G2E3: variants seen among roughly 807,000 people sequenced by gnomAD.
G2E3 encodes G2/M-phase specific E3 ubiquitin protein ligase.
Under a neutral mutation model 92.8 loss-of-function variants are expected in G2E3, and 35 were observed. That is an observed-to-expected ratio of 0.38 (90% CI 0.29 to 0.50). The LOEUF is 0.50. G2E3 is among the 20% of genes least tolerant of loss of function. The pLI is 0.94. For missense variants in G2E3, 554 were observed against 823.8 expected, an observed-to-expected ratio of 0.67 and a Z score of 4.01; for synonymous variants, 242 against 272.4, an observed-to-expected ratio of 0.89 and a Z score of 1.10.
At chr14:30,597,847 GA>G (rs1295305766) in intron 7 of G2E3, among the ~76,000 whole-genome samples, 4 of 152,204 alleles carry the variant, frequency 2.6e-5, no homozygotes, top group East Asian at 1.9e-4. Flanking sequence ...AAATATGTAA[GA>G]ATTTTTTTAA....
chr14:30,599,390 G>A (rs997282597), intron 8 of G2E3, among the ~76,000 whole-genome samples: 1 of 152,080 alleles, frequency 6.6e-6, no homozygotes, highest in African/African-American at 2.4e-5. Flanking sequence ...ACCATGCCTG[G>A]CTAATTTTTG....
At chr14:30,560,085 G>GT (rs11389797) in intron 1 of G2E3, 74,363 of 150,248 alleles carry the variant, frequency 0.49, 21,383 homozygotes, top group African/African-American at 0.79. Flanking sequence ...TTGAGCATCT[G>GT]TTTCTTTGGG....
rs774294614 is a variant in G2E3 at position 30,592,397 on chromosome 14, C to T, written c.312C>T (p.Phe104=). 7.5e-6 allele frequency: 12 copies of T among 1,602,736 alleles called. No individual in the cohort carries two copies. Among genetic ancestry groups the T allele is most frequent in the Admixed American group, 5.2e-5 (3 of 57,562 alleles). The part of the protein sequence containing the change: ...VAPRCKRSYH[F]PCGLQRECIF... ...CCCGATGTAAACGAAGTTATCATTTCCCATGTGGACTTCAGAGAGAATGTA... is the reference window on the plus strand; with the variant it reads ...CCCGATGTAAACGAAGTTATCATTTTCCATGTGGACTTCAGAGAGAATGTA... The change falls in exon 5 of 15, where the codon TTC becomes TTT. Residue 104 remains phenylalanine, a synonymous_variant. Transcript: ENST00000206595.
intron 1 of G2E3, among the ~76,000 whole-genome samples, chr14:30,572,263 G>A (rs987063751): frequency 6.6e-6 from 1 of 151,826 alleles, no homozygotes; most frequent in African/African-American, 2.4e-5. Flanking sequence ...ATGATCATAT[G>A]TGAAAACAGT....
At chr14:30,602,519 T>C (rs978769722) in intron 10 of G2E3, among the ~76,000 whole-genome samples, 7 of 152,198 alleles carry the variant, frequency 4.6e-5, no homozygotes, top group Non-Finnish European at 7.3e-5. Flanking sequence ...AAATGTTATT[T>C]GATTATAGAG....
At chr14:30,593,380 C>T (rs1881114296) in intron 5 of G2E3, 94 bp from the exon 6 acceptor site, 2 of 629,364 alleles carry the variant, frequency 3.2e-6, no homozygotes, top group South Asian at 4.5e-5. Context: ...GAGACAGACA[C>T]AAATGAATTT....
intron 1 of G2E3, among the ~76,000 whole-genome samples, chr14:30,575,912 A>C (rs1880057653): frequency 6.6e-6 from 1 of 152,254 alleles, no homozygotes; most frequent in African/African-American, 2.4e-5. Flanking sequence ...ATGTATAGGA[A>C]GAATCAATAT....
At chr14:30,610,667 A>G (rs901994573) in intron 12 of G2E3, among the ~76,000 whole-genome samples, 2 of 152,236 alleles carry the variant, frequency 1.3e-5, no homozygotes, top group African/African-American at 4.8e-5. Context: ...GGAGATGGAT[A>G]AGGGTTGGAG....
intron 4 of G2E3, among the ~76,000 whole-genome samples, chr14:30,591,258 ACT>A (rs1230569270): frequency 3.3e-5 from 5 of 152,104 alleles, no homozygotes; most frequent in Middle Eastern, 6.8e-3. Flanking sequence ...GTCAGCAGTA[ACT>A]CTGTAATCCC....
At chr14:30,579,797 A>G (rs1880325996) in intron 1 of G2E3, among the ~76,000 whole-genome samples, 3 of 152,216 alleles carry the variant, frequency 2.0e-5, no homozygotes. Flanking sequence ...TTTTGCAACT[A>G]TAAATGAGAT....
At chr14:30,605,869 T>A in intron 11 of G2E3, 57 bp downstream of exon 11, 2 of 875,654 alleles carry the variant, frequency 2.3e-6, no homozygotes, top group Middle Eastern at 5.6e-4. Context: ...GAAAAAGAGA[T>A]AGATAGCTGG....
In G2E3 at chr14:30,601,982, G is replaced by A. The variant is rs1566546503; in HGVS notation, c.878-17G>A. 6.2e-7 allele frequency: 1 copy of A among 1,607,436 alleles called. No individual in the cohort carries two copies. The highest frequency in any genetic ancestry group is 8.5e-7 in the Non-Finnish European group (1 of 1,176,790). ...CCTATATCTCTATTATGCTAACATGGAAATTTAAATCTGTAGGAGAGTTCC... is the reference window on the plus strand; with the variant it reads ...CCTATATCTCTATTATGCTAACATGAAAATTTAAATCTGTAGGAGAGTTCC... On this transcript the variant is annotated splice_polypyrimidine_tract_variant and intron_variant, in intron 9 of 14. Transcript: ENST00000206595.
chr14:30,581,180 T>C (rs1880410886), intron 2 of G2E3, 64 bp downstream of exon 2: 2 of 887,200 alleles, frequency 2.3e-6, no homozygotes, highest in Admixed American at 1.8e-5. Flanking sequence ...ACTTAAACAT[T>C]AGGACTGAAG....
chr14:30,613,921 C>T (rs971248971), intron 13 of G2E3, among the ~76,000 whole-genome samples: 1 of 152,050 alleles, frequency 6.6e-6, no homozygotes, highest in Admixed American at 6.5e-5. Context: ...ACAATACTAA[C>T]ATTATCAAAT....
chr14:30,604,758 G>A (rs1271187778), intron 10 of G2E3, among the ~76,000 whole-genome samples: 2 of 152,104 alleles, frequency 1.3e-5, no homozygotes, highest in Admixed American at 6.5e-5. Context: ...TTCTTATATA[G>A]TAAGGAGAGA....
intron 1 of G2E3, chr14:30,559,554 C>T (rs916939639): frequency 2.0e-5 from 3 of 152,158 alleles, no homozygotes; most frequent in Non-Finnish European, 2.9e-5. Context: ...TTATACGCAT[C>T]CTCCGTGGCT....
intron 1 of G2E3, 176 bp from the exon 2 acceptor site, chr14:30,580,900 G>A (rs1880395138): frequency 5.5e-6 from 3 of 544,004 alleles, no homozygotes; most frequent in South Asian, 4.3e-5. Flanking sequence ...AAATGTTCCC[G>A]ACTCTTAACA....
At chr14:30,614,934 G>T (rs1420051015) in intron 13 of G2E3, among the ~76,000 whole-genome samples, 1 of 151,966 alleles carries the variant, frequency 6.6e-6, no homozygotes, top group African/African-American at 2.4e-5. Flanking sequence ...CAATACATGG[G>T]TTTTAAATTT....
intron 1 of G2E3, among the ~76,000 whole-genome samples, chr14:30,577,223 C>CAAAAAAAAAAAAAAAAAAAAAAAAAAA (rs59757142): frequency 1.2e-5 from 1 of 80,776 alleles, no homozygotes; most frequent in Non-Finnish European, 2.6e-5. Flanking sequence ...GACTCTGTCT[C>CAAAAAAAAAAAAAAAAAAAAAAAAAAA]AAAAAAAAAA....
Sources: allele counts gnomAD v4.1 joint callset (sites outside exome capture counted in the v4.1 genomes callset), GRCh38; gene constraint gnomAD v4.1.1; transcripts MANE v1.5; gene names NCBI Gene and HGNC (gene_info 2026-07-23, HGNC 2026-07-21).